The following ATXN7 variants were observed in gnomAD, a reference collection of about 807,000 sequenced individuals.
ATXN7 encodes ataxin 7, also known as ataxin-7.
A neutral mutation model predicts 70.5 loss-of-function variants in ATXN7; 12 were observed. The observed-to-expected ratio is 0.17, with a 90% CI of 0.11 to 0.28. The LOEUF (loss-of-function observed/expected upper bound fraction) is 0.28. Among genes scored for constraint, ATXN7 ranks in the 10% least tolerant of loss-of-function variants. The pLI is 1.00. For synonymous variants in ATXN7, 498 were observed against 448.7 expected (o/e 1.11, Z -1.39); for missense variants, 1,256 against 1,131.7 (o/e 1.11, Z -1.58).
Position 63,936,532 on chromosome 3 carries a change from C to T in ATXN7, c.395-15847C>T, listed in dbSNP as rs564407418. 7.9e-4 allele frequency among the ~76,000 whole-genome samples: 121 copies of T among 152,218 alleles called. 2 individuals carry two copies. In the South Asian group the frequency reaches 0.023, roughly 28 times the overall value. Reference sequence around the variant, plus strand: ...CTCAGTTATATGTTAGGTGGTCTTACGCTAGTCAAGAGACTGTCGTGTTTA... The same window carrying T: ...CTCAGTTATATGTTAGGTGGTCTTATGCTAGTCAAGAGACTGTCGTGTTTA... On this transcript the variant is annotated intron_variant, in intron 4 of 12. Coordinates refer to ENST00000674280, the MANE Select transcript of ATXN7 (RefSeq NM_001377405.1).
At chr3:63,987,548 T>C (rs993710587) in intron 8 of ATXN7, among the ~76,000 whole-genome samples, 1 of 152,188 alleles carries the variant, frequency 6.6e-6, no homozygotes, top group African/African-American at 2.4e-5. Flanking sequence ...GGCATTTTCA[T>C]TGGAATAGAG....
At position 63,988,297 on chromosome 3, in the gene ATXN7, C is replaced by T. The variant is rs755191407; in HGVS notation, c.1334C>T (p.Pro445Leu). The T allele has an allele frequency of 6.2e-7, 1 of 1,614,060 alleles. No individual in the cohort carries two copies. The highest frequency in any genetic ancestry group is 8.5e-7 in the Non-Finnish European group (1 of 1,180,016). ...SESKPFVASKPKPHTPSLPRP... is the reference protein window; with the variant it reads ...SESKPFVASKLKPHTPSLPRP... ...TCAAAGCCTTTTGTAGCTAGTAAAC[C>T]TAAACCTCACACCCCCAGTCTTCCA... Residue 445 changes from proline (P) to leucine (L), a missense_variant, in exon 9 of 13, where the codon CCT (proline) becomes CTT (leucine). By Grantham distance (98) the Pro-to-Leu change is moderately conservative (BLOSUM62 -3). Transcript: ENST00000674280.
intron 5 of ATXN7, among the ~76,000 whole-genome samples, chr3:63,976,683 A>G (rs2075393752): frequency 6.6e-6 from 1 of 152,202 alleles, no homozygotes; most frequent in Non-Finnish European, 1.5e-5. Flanking sequence ...TGGAAAATTG[A>G]AAGGACAAGC....
chr3:63,981,474 A>G (rs1196061924), intron 6 of ATXN7, among the ~76,000 whole-genome samples: 1 of 152,262 alleles, frequency 6.6e-6, no homozygotes, highest in East Asian at 1.9e-4. Context: ...GAACCAGGCC[A>G]GTTGTTAGCT....
At chr3:63,903,609 G>GGGTTAGCTAA (rs1300389622) in intron 2 of ATXN7, 2 of 152,160 alleles carry the variant, frequency 1.3e-5, no homozygotes, top group Non-Finnish European at 2.9e-5. Flanking sequence ...AACACACTGA[G>GGGTTAGCTAA]CACTTAATAT....
At chr3:63,948,718 A>G (rs1021841283) in intron 4 of ATXN7, among the ~76,000 whole-genome samples, 1 of 152,162 alleles carries the variant, frequency 6.6e-6, no homozygotes, top group Non-Finnish European at 1.5e-5. Flanking sequence ...CATGTGCTCA[A>G]GTGTCCTTGT....
At chr3:63,944,240 G>T (rs1018707457) in intron 4 of ATXN7, among the ~76,000 whole-genome samples, 11 of 152,162 alleles carry the variant, frequency 7.2e-5, no homozygotes, top group Admixed American at 5.9e-4. Flanking sequence ...TATATATACT[G>T]TTTTTTCCTG....
intron 1 of ATXN7, among the ~76,000 whole-genome samples, chr3:63,869,293 A>C (rs970826029): frequency 2.0e-5 from 3 of 152,214 alleles, no homozygotes; most frequent in Non-Finnish European, 1.5e-5. Flanking sequence ...ATGACCATTA[A>C]ATGGGATAAT....
intron 5 of ATXN7, chr3:63,968,606 G>A (rs767048207): frequency 6.6e-6 from 1 of 152,192 alleles, no homozygotes; most frequent in Non-Finnish European, 1.5e-5. Flanking sequence ...AATACAAACA[G>A]TAACCCTGGG....
Position 63,995,820 on chromosome 3 carries a change from C to G in ATXN7, c.1998C>G (p.Pro666=), listed in dbSNP as rs752524947. The change falls in exon 12 of 13, where the codon CCC becomes CCG. Residue 666 remains proline (P), a synonymous_variant. Coordinates refer to ENST00000674280, the MANE Select transcript of ATXN7 (RefSeq NM_001377405.1). Reference sequence around the variant, plus strand: ...GCCTTTCCTCGGTTCCTTCCTCCCCCATGTCCAGGAAACCTCAGAAATTGA... The same window carrying G: ...GCCTTTCCTCGGTTCCTTCCTCCCCGATGTCCAGGAAACCTCAGAAATTGA... The part of the protein sequence containing the change: ...PSGLSSVPSS[P]MSRKPQKLKS... 5.0e-6 allele frequency: 8 copies of G among 1,614,126 alleles called. No homozygotes were observed. The African/African-American group carries it at 1.1e-4, about 22-fold the overall frequency.
intron 5 of ATXN7, among the ~76,000 whole-genome samples, chr3:63,972,246 C>T (rs2075322784): frequency 6.6e-6 from 1 of 152,202 alleles, no homozygotes; most frequent in African/African-American, 2.4e-5. Context: ...CTTACTGTGA[C>T]TGGCCAAAGA....
At chr3:63,929,651 G>C (rs991426992) in intron 4 of ATXN7, among the ~76,000 whole-genome samples, 2 of 152,128 alleles carry the variant, frequency 1.3e-5, no homozygotes, top group African/African-American at 4.8e-5. Context: ...AAGTAACTAA[G>C]TAGATTGATC....
At chr3:63,873,737 T>C (rs1702664918) in intron 1 of ATXN7, 1 of 152,234 alleles carries the variant, frequency 6.6e-6, no homozygotes, top group South Asian at 2.1e-4. Flanking sequence ...AAGCTGTCCT[T>C]CTGTCACCTA....
chr3:63,959,948 A>G (rs1470710026), intron 5 of ATXN7, among the ~76,000 whole-genome samples: 1 of 152,204 alleles, frequency 6.6e-6, no homozygotes, highest in Non-Finnish European at 1.5e-5. Context: ...CTATGATTTC[A>G]TGCACCTTAT....
chr3:63,882,641 C>G (rs1702950479), intron 1 of ATXN7, among the ~76,000 whole-genome samples: 1 of 152,076 alleles, frequency 6.6e-6, no homozygotes, highest in Non-Finnish European at 1.5e-5. Flanking sequence ...CTGCCTTGGC[C>G]TCCCAAAGTG....
chr3:63,912,701 CAG>C lies in ATXN7; in HGVS notation c.104_105del (p.Gln35ProfsTer53). On this transcript the variant is annotated frameshift_variant, in exon 3 of 13. Coordinates refer to ENST00000674280, the MANE Select transcript of ATXN7 (RefSeq NM_001377405.1). LOFTEE classifies it high-confidence loss of function. ...AAAARQQQQQ[Q>X]QQQQPPPPQP... ...GGCCGCCCGGCAGCAGCAGCAGCAGCAGCAGCAGCAGCAGCCGCCGCCTCCGC... is the reference window on the plus strand; with the variant it reads ...GGCCGCCCGGCAGCAGCAGCAGCAGCCAGCAGCAGCAGCCGCCGCCTCCGC... 4 of 1,181,920 alleles carry C rather than the reference CAG, an allele frequency of 3.4e-6. No individual in the cohort carries two copies. Among genetic ancestry groups the C allele is most frequent in the East Asian group, 4.6e-5 (1 of 21,914 alleles). The allele number at this position is 1,181,920 out of a possible 1,614,324, so 73.2% of individuals were successfully genotyped here.
At chr3:63,963,849 A>G (rs981291686) in intron 5 of ATXN7, among the ~76,000 whole-genome samples, 5 of 152,118 alleles carry the variant, frequency 3.3e-5, no homozygotes, top group Admixed American at 1.3e-4. Context: ...CTGGTGGTTT[A>G]GTTTCTGTGG....
At chr3:63,965,962 T>C (rs576535878) in intron 5 of ATXN7, among the ~76,000 whole-genome samples, 11 of 152,356 alleles carry the variant, frequency 7.2e-5, no homozygotes, top group Admixed American at 5.9e-4. Flanking sequence ...CTTGTTTATT[T>C]GTGAACTTAA....
chr3:63,912,888 T>A lies in ATXN7; in HGVS notation c.290T>A (p.Leu97Gln), dbSNP rs546300041. Residue 97 changes from leucine to glutamine, a missense_variant, in exon 3 of 13, where the codon CTG (leucine) becomes CAG (glutamine). Coordinates refer to ENST00000674280, the MANE Select transcript of ATXN7 (RefSeq NM_001377405.1). Reference sequence around the variant, plus strand: ...GTGATGCTGGGACAGTCGTGGAATCTGTGGGTTGAGGCTTCCAAACTTCCT... The same window carrying A: ...GTGATGCTGGGACAGTCGTGGAATCAGTGGGTTGAGGCTTCCAAACTTCCT... ...PEVMLGQSWN[L>Q]WVEASKLPGK... 1 of 1,613,280 alleles carries A rather than the reference T, an allele frequency of 6.2e-7. No individual in the cohort carries two copies. The highest frequency in any genetic ancestry group is 1.3e-5 in the African/African-American group (1 of 74,984).
Sources: gnomAD v4.1 joint callset for allele counts (sites outside exome capture counted in the v4.1 genomes callset) on GRCh38, gnomAD v4.1.1 for gene constraint, MANE v1.5 for transcripts, NCBI Gene and HGNC (gene_info 2026-07-23, HGNC 2026-07-21) for gene names.